The following COBLL1 variants were observed in gnomAD, a reference collection of about 807,000 sequenced individuals.
COBLL1 encodes the protein cordon-bleu protein-like 1.
In COBLL1, 50 loss-of-function variants were observed where a neutral mutation model predicts 94.8. The observed-to-expected ratio is 0.53, with a 90% CI of 0.42 to 0.67. COBLL1 has a LOEUF of 0.67. COBLL1 is among the 30% of genes least tolerant of loss of function. COBLL1 has a pLI of 0.00. For synonymous variants in COBLL1, 448 were observed against 473.8 expected (o/e 0.95, Z 0.71); for missense variants, 1,362 against 1,348.7 (o/e 1.01, Z -0.15).
intron 5 of COBLL1, among the ~76,000 whole-genome samples, chr2:164,726,054 G>T (rs1685709666): frequency 6.6e-6 from 1 of 152,122 alleles, no homozygotes. Context: ...ACTCTCTTAA[G>T]ATTTGTCCAC....
chr2:164,773,482 T>C (rs1688307850), intron 2 of COBLL1, among the ~76,000 whole-genome samples: 1 of 152,108 alleles, frequency 6.6e-6, no homozygotes, highest in African/African-American at 2.4e-5. Context: ...ATACATTTAA[T>C]GCATTAAGAA....
intron 2 of COBLL1, among the ~76,000 whole-genome samples, chr2:164,791,549 T>C (rs10210613): frequency 0.027 from 4,115 of 152,288 alleles, 111 homozygotes; most frequent in African/African-American, 0.072. Context: ...TGTTTTAATA[T>C]GGTGGGTAAC....
intron 2 of COBLL1, among the ~76,000 whole-genome samples, chr2:164,769,651 G>T (rs562333542): frequency 6.6e-6 from 1 of 152,286 alleles, no homozygotes; most frequent in East Asian, 1.9e-4. Context: ...TTGAGCTCAG[G>T]AGTTCGAGAC....
chr2:164,672,805 A>G (rs1691267258), intron 1 of COBLL1, among the ~76,000 whole-genome samples: 1 of 152,136 alleles, frequency 6.6e-6, no homozygotes, highest in Non-Finnish European at 1.5e-5. Context: ...TGGAAGAGAC[A>G]GGGATATTTC....
At chr2:164,824,163 C>A (rs1309786418) in intron 2 of COBLL1, among the ~76,000 whole-genome samples, 2 of 152,124 alleles carry the variant, frequency 1.3e-5, no homozygotes, top group Non-Finnish European at 2.9e-5. Context: ...TGGTGGATCA[C>A]CTGAGGTCAG....
chr2:164,662,472 A>T (rs924465324), intron 2 of COBLL1, among the ~76,000 whole-genome samples: 5 of 152,252 alleles, frequency 3.3e-5, no homozygotes. Flanking sequence ...CCTGTGTAAC[A>T]TGGAACTAAT....
At chr2:164,715,374 C>T (rs973951950) in intron 7 of COBLL1, among the ~76,000 whole-genome samples, 2 of 151,912 alleles carry the variant, frequency 1.3e-5, no homozygotes, top group Admixed American at 6.6e-5. Context: ...TGGTGGTCCA[C>T]TTTCTATATA....
chr2:164,695,657 T>A lies in COBLL1; in HGVS notation c.1735A>T (p.Asn579Tyr), dbSNP rs150990193. ...ETDTAISYKENHLAASSVPDQ... is the reference protein window; with the variant it reads ...ETDTAISYKEYHLAASSVPDQ... Reference sequence around the variant, plus strand: ...GGTACTGATGAAGCTGCTAGATGGTTTTCCTTGTAACTTATAGCAGTATCA... The same window carrying A: ...GGTACTGATGAAGCTGCTAGATGGTATTCCTTGTAACTTATAGCAGTATCA... Residue 579 changes from asparagine (N) to tyrosine (Y), a missense_variant, in exon 12 of 14, where the codon AAC becomes TAC. Physicochemically the swap from Asn to Tyr is moderately radical, Grantham distance 143. Transcript: ENST00000652658. 1 of 1,613,906 alleles carries A rather than the reference T, an allele frequency of 6.2e-7. No homozygotes were observed. Among genetic ancestry groups the A allele is most frequent in the Non-Finnish European group, 8.5e-7 (1 of 1,179,892 alleles).
At chr2:164,687,395 T>G in intron 13 of COBLL1, 1 of 842,680 alleles carries the variant, frequency 1.2e-6, no homozygotes, top group Admixed American at 1.8e-5. Context: ...TCATCGACAT[T>G]GAACTTGGTG....
chr2:164,687,497 G>T, intron 13 of COBLL1: 1 of 1,460,446 alleles, frequency 6.8e-7, no homozygotes, highest in Non-Finnish European at 9.5e-7. Flanking sequence ...TCCTTGTTCT[G>T]CAGCTTGGTG....
At chr2:164,830,131 G>GTAC (rs560680816) in intron 2 of COBLL1, among the ~76,000 whole-genome samples, 44 of 152,328 alleles carry the variant, frequency 2.9e-4, no homozygotes, top group Non-Finnish European at 5.4e-4. Context: ...TCATTTCACT[G>GTAC]TACTACTCAC....
chr2:164,741,873 C>A (rs369337095), intron 3 of COBLL1, among the ~76,000 whole-genome samples: 18 of 152,072 alleles, frequency 1.2e-4, no homozygotes, highest in Admixed American at 3.3e-4. Context: ...TCCTACAGAA[C>A]AGTCATAAAT....
At chr2:164,805,317 C>CTA (rs1684046737) in intron 2 of COBLL1, among the ~76,000 whole-genome samples, 3 of 35,654 alleles carry the variant, frequency 8.4e-5, no homozygotes, top group Admixed American at 7.9e-4. Flanking sequence ...CTCTCTCTCT[C>CTA]TCTCTCTCTC....
At chr2:164,737,860 G>C (rs1049500927) in intron 3 of COBLL1, among the ~76,000 whole-genome samples, 2 of 152,082 alleles carry the variant, frequency 1.3e-5, no homozygotes, top group African/African-American at 4.8e-5. Context: ...AGGCAAAACC[G>C]CGGGCTTAGG....
downstream of COBLL1, among the ~76,000 whole-genome samples, chr2:164,677,232 G>T (rs942037577): frequency 2.6e-5 from 4 of 151,224 alleles, no homozygotes; most frequent in African/African-American, 9.7e-5. Flanking sequence ...TCGGAACTTG[G>T]GCTGTTTCTT....
chr2:164,739,992 G>A lies in COBLL1; in HGVS notation c.230+3695C>T, dbSNP rs116290804. On this transcript the variant is annotated intron_variant, in intron 3 of 13. Transcript: ENST00000652658. Reference sequence around the variant, plus strand: ...GTCAAACTCTAAAACATCTTGGATCGCATTAAGATATCCCAGAATCACACT... The same window carrying A: ...GTCAAACTCTAAAACATCTTGGATCACATTAAGATATCCCAGAATCACACT... Among the ~76,000 whole-genome samples the A allele has an allele frequency of 3.0e-3, 452 of 152,184 alleles. 1 individual carries two copies. The highest frequency in any genetic ancestry group is 9.9e-3 in the African/African-American group (411 of 41,522).
At position 164,684,843 on chromosome 2, in the gene COBLL1, T is replaced by C. The variant is rs1683204777; in HGVS notation, c.*1103A>G. ...CCAGTAGTTTTAGTGAAAACAAATT[T>C]AATATCATCTTGTTTGAACAAAGCT... On this transcript the variant is annotated 3_prime_UTR_variant, in exon 14 of 14. Transcript: ENST00000652658. 1 of 152,092 alleles carries C rather than the reference T, an allele frequency of 6.6e-6. No homozygotes were observed. Among genetic ancestry groups the C allele is most frequent in the African/African-American group, 2.4e-5 (1 of 41,430 alleles). 9.4% of individuals were successfully genotyped at this position (152,092 alleles called of 1,614,324 possible).
At chr2:164,744,085 C>T (rs567917348) in intron 2 of COBLL1, among the ~76,000 whole-genome samples, 12 of 151,984 alleles carry the variant, frequency 7.9e-5, no homozygotes, top group South Asian at 4.2e-4. Context: ...AGTACTATGC[C>T]TACATTACTT....
chr2:164,825,914 A>G (rs1035201618), intron 2 of COBLL1, among the ~76,000 whole-genome samples: 22 of 152,152 alleles, frequency 1.4e-4, no homozygotes, highest in African/African-American at 5.1e-4. Context: ...TAATACCTCA[A>G]TTTCTTGTTT....
Sources: gnomAD v4.1 joint callset for allele counts (sites outside exome capture counted in the v4.1 genomes callset) on GRCh38, gnomAD v4.1.1 for gene constraint, MANE v1.5 for transcripts, NCBI Gene and HGNC (gene_info 2026-07-23, HGNC 2026-07-21) for gene names.